The following YAE1 variants were observed in gnomAD, a reference collection of about 807,000 sequenced individuals.
The protein encoded by YAE1 is YAE1 maturation factor of ABCE1.
YAE1 carries 22 observed loss-of-function variants against 23.0 expected under a neutral mutation model. That is an observed-to-expected ratio of 0.96 (90% CI 0.68 to 1.37). The LOEUF is 1.37. Ranked by LOEUF, YAE1 falls within the 40% of genes most tolerant of loss-of-function variation. The pLI, the probability that YAE1 is intolerant of heterozygous loss-of-function variation, is 0.00. For missense variants in YAE1, 260 were observed against 262.1 expected (o/e 0.99, Z 0.06); for synonymous variants, 101 against 97.0 (o/e 1.04, Z -0.24).
downstream of YAE1, among the ~76,000 whole-genome samples, chr7:39,574,269 T>C (rs187138344): frequency 2.1e-3 from 323 of 152,348 alleles, no homozygotes; most frequent in Middle Eastern, 0.01. Context: ...ACTATTGGAT[T>C]GAAAACATCT....
At chr7:39,609,965 T>G (rs1021018674) in exon 3 of YAE1, 2 of 1,519,484 alleles carry the variant, frequency 1.3e-6, no homozygotes, top group African/African-American at 2.8e-5. Context: ...ATAGAATCAT[T>G]ATCAGAGGTG....
chr7:39,575,397 T>C (rs189071223), downstream of YAE1, among the ~76,000 whole-genome samples: 498 of 152,244 alleles, frequency 3.3e-3, 4 homozygotes, highest in African/African-American at 0.012. Flanking sequence ...TTACCTAATA[T>C]ATATCCTTTA....
chr7:39,603,539 T>C (rs1342096542), intron 2 of YAE1, among the ~76,000 whole-genome samples: 1 of 152,138 alleles, frequency 6.6e-6, no homozygotes, highest in African/African-American at 2.4e-5. Context: ...GATGAAGTGC[T>C]TTTTCCTGAA....
chr7:39,577,383 G>T (rs1235714558), downstream of YAE1, among the ~76,000 whole-genome samples: 1 of 152,212 alleles, frequency 6.6e-6, no homozygotes, highest in Admixed American at 6.5e-5. Context: ...CGCTGTGGGA[G>T]CCCCTCTCTG....
intron 2 of YAE1, among the ~76,000 whole-genome samples, chr7:39,596,065 C>T (rs1790968296): frequency 1.3e-5 from 2 of 152,232 alleles, no homozygotes; most frequent in South Asian, 4.1e-4. Context: ...GGCAGTCGCA[C>T]ATGGTTGAAT....
rs60563799 is a variant in YAE1, at chr7:39,598,784, C to CA, written c.252-10818dup. Among the ~76,000 whole-genome samples the CA allele has an allele frequency of 9.2e-3, 705 of 76,966 alleles. 1 individual carries two copies. The highest frequency in any genetic ancestry group is 0.011 in the Middle Eastern group (1 of 94). The allele number at this position is 76,966 out of a possible 152,430, so 50.5% of individuals were successfully genotyped here. A position where few individuals can be genotyped will look rare whatever the true frequency, so the allele number is the denominator to read the frequency against. Reference sequence around the variant, plus strand: ...AAAGTGAGACCCTGAGGTCCTGTCTCAAAAAAAAAAAAAAAGAAGAAGAAG... The same window carrying CA: ...AAAGTGAGACCCTGAGGTCCTGTCTCAAAAAAAAAAAAAAAAGAAGAAGAAG... On this transcript the variant is annotated intron_variant, in intron 2 of 2. Transcript: ENST00000432096.
At chr7:39,601,550 A>G (rs892263304) in intron 2 of YAE1, among the ~76,000 whole-genome samples, 1 of 152,134 alleles carries the variant, frequency 6.6e-6, no homozygotes, top group Non-Finnish European at 1.5e-5. Context: ...ACCTGAGGTC[A>G]GGAGTTCGAG....
At chr7:39,600,677 G>C (rs1303858109) in intron 2 of YAE1, among the ~76,000 whole-genome samples, 1 of 152,212 alleles carries the variant, frequency 6.6e-6, no homozygotes, top group Admixed American at 6.5e-5. Flanking sequence ...GATTACAGGT[G>C]TGAGCCACCG....
chr7:39,599,949 A>C (rs17714026), intron 2 of YAE1, among the ~76,000 whole-genome samples: 8,072 of 152,264 alleles, frequency 0.053, 294 homozygotes, highest in East Asian at 0.12. Context: ...CATAGTATTC[A>C]ACAAATATTG....
chr7:39,586,612 C>T (rs1790817878), intron 2 of YAE1, among the ~76,000 whole-genome samples: 5 of 151,532 alleles, frequency 3.3e-5, no homozygotes, highest in Admixed American at 2.6e-4. Context: ...ATTCTCCTGC[C>T]TCAGCCTCCC....
chr7:39,591,073 G>T (rs1015986528), intron 2 of YAE1, among the ~76,000 whole-genome samples: 3 of 152,154 alleles, frequency 2.0e-5, no homozygotes, highest in Non-Finnish European at 4.4e-5. Flanking sequence ...ACTTACAGAC[G>T]GCTGCCTTCT....
downstream of YAE1, among the ~76,000 whole-genome samples, chr7:39,576,689 T>C (rs769045049): frequency 6.6e-6 from 1 of 152,164 alleles, no homozygotes; most frequent in Non-Finnish European, 1.5e-5. Context: ...TGCATCACTT[T>C]GAGTGTCTCT....
At chr7:39,587,712 T>C (rs1790840507) in intron 2 of YAE1, among the ~76,000 whole-genome samples, 1 of 152,206 alleles carries the variant, frequency 6.6e-6, no homozygotes, top group Non-Finnish European at 1.5e-5. Context: ...TATTTTGCTG[T>C]GGAGTATCTT....
At chr7:39,590,817 CA>C (rs1790891361) in intron 2 of YAE1, among the ~76,000 whole-genome samples, 1 of 152,160 alleles carries the variant, frequency 6.6e-6, no homozygotes, top group African/African-American at 2.4e-5. Flanking sequence ...GGATTAGGGA[CA>C]CTCAACCTGT....
chr7:39,601,246 T>C (rs975062828), intron 2 of YAE1, among the ~76,000 whole-genome samples: 4 of 152,316 alleles, frequency 2.6e-5, no homozygotes, highest in Non-Finnish European at 5.9e-5. Flanking sequence ...ATTCCTGACA[T>C]AAATGCTAAA....
chr7:39,601,387 T>C (rs1471035472), intron 2 of YAE1, among the ~76,000 whole-genome samples: 1 of 152,184 alleles, frequency 6.6e-6, no homozygotes, highest in Non-Finnish European at 1.5e-5. Context: ...ACAGGGCAGC[T>C]AACACAAGTA....
intron 2 of YAE1, among the ~76,000 whole-genome samples, chr7:39,593,177 CTTTTTTTTTTTTTTTT>C (rs56303591): frequency 1.1e-4 from 8 of 72,114 alleles, no homozygotes; most frequent in Non-Finnish European, 1.9e-4. Flanking sequence ...TTGGTTATTT[CTTTTTTTTTTTTTTTT>C]TTTTTTTTTG....
downstream of YAE1, among the ~76,000 whole-genome samples, chr7:39,612,009 T>C (rs1278209628): frequency 6.6e-6 from 1 of 152,240 alleles, no homozygotes; most frequent in Non-Finnish European, 1.5e-5. Context: ...ATCTACCCAA[T>C]AATTGCAACA....
At chr7:39,609,546 G>A in intron 2 of YAE1, 1 of 1,490,268 alleles carries the variant, frequency 6.7e-7, no homozygotes, top group Non-Finnish European at 9.0e-7. Flanking sequence ...CGAATTGGGA[G>A]AATGGGGAAA....
Sources: gnomAD v4.1 joint callset for allele counts (sites outside exome capture counted in the v4.1 genomes callset) on GRCh38, gnomAD v4.1.1 for gene constraint, MANE v1.5 for transcripts, NCBI Gene and HGNC (gene_info 2026-07-23, HGNC 2026-07-21) for gene names.